Variants in CRADD observed in about 807,000 individuals in gnomAD.
CRADD encodes the protein death domain-containing protein CRADD.
Under a neutral mutation model 15.5 loss-of-function variants are expected in CRADD, and 9 were observed. That is an observed-to-expected ratio of 0.58 (90% CI 0.35 to 1.01). CRADD has a LOEUF of 1.01. Ranked by LOEUF, CRADD falls within the 50% of genes least tolerant of loss-of-function variation. The pLI is 0.02. For missense variants in CRADD, 227 were observed against 250.3 expected (o/e 0.91, Z 0.63); for synonymous variants, 118 against 107.6 (o/e 1.10, Z -0.60).
At chr12:93,694,447 C>T (rs562391468) in intron 2 of CRADD, among the ~76,000 whole-genome samples, 25 of 152,230 alleles carry the variant, frequency 1.6e-4, no homozygotes, top group African/African-American at 6.0e-4. Context: ...TCTTACTCAA[C>T]ATAATACTGG....
At chr12:93,825,598 A>G (rs1263240496) in intron 2 of CRADD, among the ~76,000 whole-genome samples, 1 of 152,258 alleles carries the variant, frequency 6.6e-6, no homozygotes, top group African/African-American at 2.4e-5. Flanking sequence ...TTTGTCATAC[A>G]GCGGAGAGGG....
intron 2 of CRADD, chr12:93,735,681 G>A (rs917569411): frequency 3.3e-5 from 5 of 152,244 alleles, no homozygotes; most frequent in African/African-American, 7.2e-5. Context: ...CGAGAAGATC[G>A]CTTGAAGCCA....
chr12:93,817,552 G>A (rs1255913747), intron 2 of CRADD, among the ~76,000 whole-genome samples: 1 of 152,106 alleles, frequency 6.6e-6, no homozygotes, highest in Non-Finnish European at 1.5e-5. Flanking sequence ...TTTCTTTCTT[G>A]GTGGAAACCT....
intron 2 of CRADD, among the ~76,000 whole-genome samples, chr12:93,828,289 A>G (rs1326797313): frequency 6.6e-6 from 1 of 152,252 alleles, no homozygotes; most frequent in Non-Finnish European, 1.5e-5. Context: ...TGTCTTTCAA[A>G]TAGCAGAAGT....
At chr12:93,750,164 A>G (rs1464054103) in intron 2 of CRADD, among the ~76,000 whole-genome samples, 2 of 152,210 alleles carry the variant, frequency 1.3e-5, no homozygotes, top group Admixed American at 1.3e-4. Flanking sequence ...CTTCGGGCAT[A>G]TAAATCTGAC....
At chr12:93,779,592 T>C (rs913825619) in intron 2 of CRADD, among the ~76,000 whole-genome samples, 4 of 46,936 alleles carry the variant, frequency 8.5e-5, no homozygotes, top group African/African-American at 1.9e-4. Context: ...AGAAAGAACC[T>C]TTTTTTTTTT....
intron 2 of CRADD, among the ~76,000 whole-genome samples, chr12:93,838,436 A>T (rs1958004553): frequency 6.6e-6 from 1 of 151,874 alleles, no homozygotes; most frequent in Admixed American, 6.6e-5. Flanking sequence ...AGCTACAGAG[A>T]AACTGGATGT....
intron 2 of CRADD, among the ~76,000 whole-genome samples, chr12:93,834,611 C>T (rs879769252): frequency 1.4e-4 from 21 of 152,152 alleles, no homozygotes; most frequent in Admixed American, 1.4e-3. Flanking sequence ...GCTTCAGCCT[C>T]CCAAGTAGCT....
At chr12:93,775,089 A>G (rs1293392065) in intron 2 of CRADD, among the ~76,000 whole-genome samples, 3 of 152,252 alleles carry the variant, frequency 2.0e-5, no homozygotes, top group Non-Finnish European at 4.4e-5. Context: ...GAAACTGACA[A>G]AAACCCAAAA....
intron 2 of CRADD, among the ~76,000 whole-genome samples, chr12:93,840,145 T>C: frequency 6.6e-6 from 1 of 152,208 alleles, no homozygotes; most frequent in South Asian, 2.1e-4. Context: ...TTATGGAATT[T>C]TAATTGTCAC....
At chr12:93,696,745 GA>G (rs58146240) in intron 2 of CRADD, among the ~76,000 whole-genome samples, 18 of 142,704 alleles carry the variant, frequency 1.3e-4, no homozygotes, top group East Asian at 2.1e-4. Flanking sequence ...GAAAATATTT[GA>G]AAAAAAAAAC....
Position 93,850,574 on chromosome 12 carries a change from TA to T in CRADD, c.*304del, listed in dbSNP as rs1337324599. On this transcript the variant is annotated 3_prime_UTR_variant, in exon 3 of 3. Coordinates refer to ENST00000332896, the MANE Select transcript of CRADD (RefSeq NM_003805.5). The surrounding 1 kb of genome is among the most constrained non-coding windows in gnomAD (Gnocchi z 4.0). ...ACTAGTAAATCACAGTGGTTCAAAATATATATCCATATATATATATATCCAT... is the reference window on the plus strand; with the variant it reads ...ACTAGTAAATCACAGTGGTTCAAAATTATATCCATATATATATATATCCAT... 1.0e-6 allele frequency: 1 copy of T among 963,072 alleles called. No individual in the cohort carries two copies. Among genetic ancestry groups the T allele is most frequent in the Non-Finnish European group, 1.3e-6 (1 of 792,770 alleles). 59.7% of individuals were successfully genotyped at this position (963,072 alleles called of 1,614,324 possible).
chr12:93,838,562 C>CT lies in CRADD; in HGVS notation c.299-11407dup, dbSNP rs1565933627. On this transcript the variant is annotated intron_variant, in intron 2 of 2. Coordinates refer to ENST00000332896, the MANE Select transcript of CRADD (RefSeq NM_003805.5). ...TCCTCCCTTGCTTCTCTCTTTCTCT[C>CT]TCTTTTTTTTTTTTTTCCTTTGCGC... is the stretch of plus-strand genomic sequence containing the variant. Among the ~76,000 whole-genome samples, 5 of 139,938 alleles carry CT rather than the reference C, an allele frequency of 3.6e-5. No homozygotes were observed. The South Asian group carries it at 8.9e-4, about 25-fold the overall frequency. The allele number at this position is 139,938 out of a possible 152,430, so 91.8% of individuals were successfully genotyped here.
At chr12:93,869,783 A>G (rs1958402710) in intron 2 of CRADD, among the ~76,000 whole-genome samples, 1 of 152,214 alleles carries the variant, frequency 6.6e-6, no homozygotes, top group Admixed American at 6.5e-5. Flanking sequence ...AAAGAAATTA[A>G]CAGAGCCTTC....
At chr12:93,738,566 C>T (rs796609708) in intron 2 of CRADD, 3 of 680,492 alleles carry the variant, frequency 4.4e-6, no homozygotes, top group African/African-American at 3.5e-5. Flanking sequence ...ACCTGCCTCA[C>T]CCCGCTCCCA....
intron 2 of CRADD, among the ~76,000 whole-genome samples, chr12:93,796,049 A>G (rs1957412326): frequency 6.6e-6 from 1 of 152,172 alleles, no homozygotes; most frequent in South Asian, 2.1e-4. Flanking sequence ...ACTGCTAAAT[A>G]TTATCTACTT....
chr12:93,832,524 T>C (rs1235760827), intron 2 of CRADD, among the ~76,000 whole-genome samples: 1 of 150,262 alleles, frequency 6.7e-6, no homozygotes. Context: ...TAATATGCAA[T>C]TGAAGCTTCT....
intron 2 of CRADD, chr12:93,738,330 A>C (rs1230674167): frequency 1.4e-6 from 1 of 701,510 alleles, no homozygotes; most frequent in African/African-American, 1.7e-5. Flanking sequence ...GGGCCCTGGA[A>C]CTCTGCCTTT....
intron 2 of CRADD, among the ~76,000 whole-genome samples, chr12:93,691,473 C>T (rs1376726097): frequency 3.3e-5 from 5 of 152,136 alleles, no homozygotes; most frequent in African/African-American, 9.6e-5. Flanking sequence ...AGGCTGGTCT[C>T]GAACTCCTGA....
Sources: allele counts gnomAD v4.1 joint callset (sites outside exome capture counted in the v4.1 genomes callset), GRCh38; gene constraint gnomAD v4.1.1; non-coding constraint Gnocchi (gnomAD v3.1); transcripts MANE v1.5; gene names NCBI Gene and HGNC (gene_info 2026-07-23, HGNC 2026-07-21).